The following CAMKMT variants were observed in gnomAD, a reference collection of about 807,000 sequenced individuals.
The protein encoded by CAMKMT is calmodulin-lysine N-methyltransferase.
A neutral mutation model predicts 48.0 loss-of-function variants in CAMKMT; 53 were observed. The observed-to-expected ratio is 1.10, with a 90% CI of 0.89 to 1.39. The LOEUF is 1.39. Among genes scored for constraint, CAMKMT ranks in the 40% most tolerant of loss-of-function variants. The pLI is 0.00. For synonymous variants in CAMKMT, 165 were observed against 152.3 expected (o/e 1.08, Z -0.61); for missense variants, 428 against 402.7 (o/e 1.06, Z -0.54).
At chr2:44,725,536 A>G (rs1353411296) in intron 7 of CAMKMT, among the ~76,000 whole-genome samples, 3 of 152,178 alleles carry the variant, frequency 2.0e-5, no homozygotes, top group African/African-American at 7.2e-5. Flanking sequence ...GAGATCTGCC[A>G]ATTCAAGGTG....
chr2:44,509,563 G>A (rs774699928), intron 3 of CAMKMT, among the ~76,000 whole-genome samples: 4 of 151,936 alleles, frequency 2.6e-5, no homozygotes, highest in Non-Finnish European at 4.4e-5. Context: ...TTCCCACCTC[G>A]GCCTCCTGAA....
intron 3 of CAMKMT, among the ~76,000 whole-genome samples, chr2:44,628,777 C>T (rs1244099698): frequency 6.6e-6 from 1 of 152,128 alleles, no homozygotes; most frequent in Non-Finnish European, 1.5e-5. Flanking sequence ...TTGACCTATA[C>T]ATTTTTTAAA....
chr2:44,400,904 G>A (rs947054211), intron 3 of CAMKMT: 1 of 144,564 alleles, frequency 6.9e-6, no homozygotes, highest in Non-Finnish European at 1.5e-5. Context: ...ATGTATGTGT[G>A]TATGTGCATG....
intron 6 of CAMKMT, among the ~76,000 whole-genome samples, chr2:44,708,326 G>T (rs1321138203): frequency 7.4e-6 from 1 of 134,608 alleles, no homozygotes; most frequent in African/African-American, 2.8e-5. Flanking sequence ...GATTTCTGTG[G>T]CATCTTACAT....
chr2:44,508,865 G>A (rs996770055), intron 3 of CAMKMT, among the ~76,000 whole-genome samples: 48 of 152,082 alleles, frequency 3.2e-4, no homozygotes, highest in African/African-American at 1.1e-3. Context: ...GGAGGCCAAG[G>A]CAGGTGGATC....
chr2:44,506,089 C>T (rs1572670726), intron 3 of CAMKMT, among the ~76,000 whole-genome samples: 1 of 152,140 alleles, frequency 6.6e-6, no homozygotes, highest in Non-Finnish European at 1.5e-5. Flanking sequence ...CTCCTGGGCT[C>T]AAGCAGTTCA....
chr2:44,676,355 A>T (rs1386149473), intron 3 of CAMKMT, among the ~76,000 whole-genome samples: 1 of 152,338 alleles, frequency 6.6e-6, no homozygotes, highest in Non-Finnish European at 1.5e-5. Context: ...ATCCAACCAG[A>T]ATATTCCCAT....
intron 3 of CAMKMT, among the ~76,000 whole-genome samples, chr2:44,483,045 A>G (rs1033418702): frequency 2.6e-5 from 4 of 152,140 alleles, no homozygotes; most frequent in African/African-American, 9.7e-5. Context: ...CAACAAGTAC[A>G]TATAGCATGC....
intron 9 of CAMKMT, among the ~76,000 whole-genome samples, chr2:44,763,897 C>T (rs1412678607): frequency 3.9e-5 from 6 of 152,100 alleles, no homozygotes; most frequent in Non-Finnish European, 8.8e-5. Context: ...TGTTAAAAAC[C>T]GACTCTTCAA....
intron 3 of CAMKMT, among the ~76,000 whole-genome samples, chr2:44,548,053 G>GA (rs928036636): frequency 1.8e-4 from 27 of 152,268 alleles, no homozygotes; most frequent in Non-Finnish European, 3.4e-4. Flanking sequence ...ACAGAAGAAA[G>GA]AAAAAAGCAC....
At chr2:44,416,156 C>T (rs1348606423) in intron 3 of CAMKMT, among the ~76,000 whole-genome samples, 1 of 152,078 alleles carries the variant, frequency 6.6e-6, no homozygotes, top group Non-Finnish European at 1.5e-5. Flanking sequence ...ACCTACGTAA[C>T]AATGTTAATG....
At chr2:44,610,194 AG>A (rs1344921322) in intron 3 of CAMKMT, among the ~76,000 whole-genome samples, 1 of 152,168 alleles carries the variant, frequency 6.6e-6, no homozygotes, top group East Asian at 1.9e-4. Flanking sequence ...TAAGTCTCTG[AG>A]GAAAAAAGGA....
intron 3 of CAMKMT, among the ~76,000 whole-genome samples, chr2:44,629,827 A>T (rs1672709203): frequency 1.3e-5 from 2 of 152,142 alleles, no homozygotes; most frequent in African/African-American, 2.4e-5. Flanking sequence ...TGCCCAAGGT[A>T]ATTTATAGAT....
intron 3 of CAMKMT, among the ~76,000 whole-genome samples, chr2:44,628,303 G>C (rs569829778): frequency 6.6e-6 from 1 of 152,100 alleles, no homozygotes; most frequent in East Asian, 1.9e-4. Context: ...TCTAGCTTAA[G>C]GTTTATCAAT....
chr2:44,502,240 G>A (rs755811542), intron 3 of CAMKMT, among the ~76,000 whole-genome samples: 1 of 151,634 alleles, frequency 6.6e-6, no homozygotes, highest in African/African-American at 2.4e-5. Context: ...AAAAATTACC[G>A]AATAAATATA....
chr2:44,493,263 A>T (rs1286152900), intron 3 of CAMKMT, among the ~76,000 whole-genome samples: 2 of 152,184 alleles, frequency 1.3e-5, no homozygotes, highest in Non-Finnish European at 2.9e-5. Context: ...ATCCTAAAAA[A>T]GTTATGACTT....
chr2:44,383,102 C>A (rs1680419264), intron 2 of CAMKMT, among the ~76,000 whole-genome samples: 1 of 151,938 alleles, frequency 6.6e-6, no homozygotes, highest in African/African-American at 2.4e-5. Context: ...GCATGCATGA[C>A]CCTGATGTCT....
intron 3 of CAMKMT, among the ~76,000 whole-genome samples, chr2:44,623,109 T>C (rs890579051): frequency 6.6e-6 from 1 of 152,258 alleles, no homozygotes; most frequent in Non-Finnish European, 1.5e-5. Context: ...CATGTGTTTA[T>C]TGGCCATTTG....
In CAMKMT at chr2:44,449,872, T is replaced by G. The variant is rs995764185; in HGVS notation, c.376+59567T>G. On this transcript the variant is annotated intron_variant, in intron 3 of 10. Transcript: ENST00000378494. The stretch of plus-strand genomic sequence containing the variant: ...TCCTTTGGAGGACTGGTAAATTCAG[T>G]TCTAATTTTTACATTGTTTTACATA... 3.3e-5 allele frequency among the ~76,000 whole-genome samples: 5 copies of G among 152,260 alleles called. No individual in the cohort carries two copies. The East Asian group carries it at 9.6e-4, about 29-fold the overall frequency.
Sources: gnomAD v4.1 joint callset for allele counts (sites outside exome capture counted in the v4.1 genomes callset) on GRCh38, gnomAD v4.1.1 for gene constraint, MANE v1.5 for transcripts, NCBI Gene and HGNC (gene_info 2026-07-23, HGNC 2026-07-21) for gene names.